The following ODAD2 variants were observed in gnomAD, a reference collection of about 807,000 sequenced individuals.
The protein encoded by ODAD2 is outer dynein arm-docking complex subunit 2.
A neutral mutation model predicts 106.8 loss-of-function variants in ODAD2; 89 were observed. The observed-to-expected ratio is 0.83, with a 90% CI of 0.70 to 0.99. ODAD2 has a LOEUF of 0.99. Among genes scored for constraint, ODAD2 ranks in the 50% least tolerant of loss-of-function variants. The probability of loss-of-function intolerance (pLI) is 0.00; values close to 1 mark genes in which losing one functional copy is unlikely to be tolerated. For synonymous variants in ODAD2, 404 were observed against 436.2 expected (o/e 0.93, Z 0.92); for missense variants, 1,168 against 1,238.5 (o/e 0.94, Z 0.85).
At position 27,862,583 on chromosome 10, in the gene ODAD2, C is replaced by T; in HGVS notation, c.2650G>A (p.Glu884Lys). The change falls in exon 18 of 20, where the codon GAA becomes AAA. Residue 884 changes from glutamate (E) to lysine (K), a missense_variant. Physicochemically the swap from Glu to Lys is moderately conservative, Grantham distance 56 (BLOSUM62 1). Around this residue, in one of 3 missense-constraint regions of ODAD2, gnomAD observed 701 missense variants for 712.3 expected, o/e 0.98. Transcript: ENST00000305242. ...GATTTCAGTAAATTGACAATAAGTT[C>T]CAAACCACCAACAAAGGAACGAACC... ...EMVRSFVGGL[E>K]LIVNLLKSDN... 6.2e-7 allele frequency: 1 copy of T among 1,609,766 alleles called. No homozygotes were observed. The highest frequency in any genetic ancestry group is 1.1e-5 in the South Asian group (1 of 90,144).
At chr10:27,930,680 T>G (rs1267694518) in intron 16 of ODAD2, among the ~76,000 whole-genome samples, 1 of 152,086 alleles carries the variant, frequency 6.6e-6, no homozygotes, top group African/African-American at 2.4e-5. Context: ...TATAATTTTT[T>G]GATTCTCTTA....
rs768658226 is a variant in ODAD2 at position 27,944,972 on chromosome 10, T to C, written c.1387-10A>G. The C allele has an allele frequency of 1.4e-5, 22 of 1,613,630 alleles. No homozygotes were observed. Among genetic ancestry groups the C allele is most frequent in the African/African-American group, 8.0e-5 (6 of 74,928 alleles). On this transcript the variant is annotated splice_polypyrimidine_tract_variant and intron_variant, in intron 10 of 19. Coordinates refer to ENST00000305242, the MANE Select transcript of ODAD2 (RefSeq NM_018076.5). ...CTGTTTGATTTCCTCCCTACAAAGATGCAATGCCAGAGAAAGGTTAAGGAA... is the reference window on the plus strand; with the variant it reads ...CTGTTTGATTTCCTCCCTACAAAGACGCAATGCCAGAGAAAGGTTAAGGAA...
intron 10 of ODAD2, among the ~76,000 whole-genome samples, chr10:27,954,737 TTAA>T (rs1224655181): frequency 7.9e-5 from 12 of 152,210 alleles, no homozygotes; most frequent in African/African-American, 2.7e-4. Context: ...GCTCAAAAAT[TTAA>T]ATACAGATTC....
chr10:27,889,261 A>G (rs80295638), intron 17 of ODAD2, among the ~76,000 whole-genome samples: 4,142 of 152,286 alleles, frequency 0.027, 66 homozygotes, highest in Non-Finnish European at 0.043. Context: ...AGCAAGGGAT[A>G]AGGAAGATTT....
At position 27,925,096 on chromosome 10, in the gene ODAD2, C is replaced by A. The variant is rs951638051; in HGVS notation, c.2495+9914G>T. On this transcript the variant is annotated intron_variant, in intron 16 of 19. Coordinates refer to ENST00000305242, the MANE Select transcript of ODAD2 (RefSeq NM_018076.5). ...AACAGAAAAAAGAAAAACTACAGAC[C>A]AATATCACTCATGAATATTATTACA... 2.0e-5 allele frequency among the ~76,000 whole-genome samples: 3 copies of A among 151,276 alleles called. No homozygotes were observed. The South Asian group carries it at 6.2e-4, about 31-fold the overall frequency.
intron 17 of ODAD2, among the ~76,000 whole-genome samples, chr10:27,877,470 A>G (rs1841418620): frequency 6.6e-6 from 1 of 151,782 alleles, no homozygotes; most frequent in Non-Finnish European, 1.5e-5. Context: ...CATTAGGCTC[A>G]AAACCCTGCA....
At chr10:27,983,788 A>C in intron 6 of ODAD2, 55 bp downstream of exon 6, 1 of 1,532,778 alleles carries the variant, frequency 6.5e-7, no homozygotes, top group South Asian at 1.1e-5. Flanking sequence ...TGAGACATCT[A>C]CAGCTAACAA....
chr10:27,862,105 C>T (rs1247582026), intron 18 of ODAD2, among the ~76,000 whole-genome samples: 2 of 152,110 alleles, frequency 1.3e-5, no homozygotes, highest in Admixed American at 6.6e-5. Flanking sequence ...GAAGAACCAT[C>T]GAGAATCATA....
chr10:27,908,595 G>A (rs2133865904), intron 16 of ODAD2, among the ~76,000 whole-genome samples: 1 of 152,160 alleles, frequency 6.6e-6, no homozygotes, highest in East Asian at 1.9e-4. Flanking sequence ...AAAAGATAAA[G>A]GGCATCAAAA....
At chr10:27,837,979 T>C (rs1232461814) in intron 19 of ODAD2, among the ~76,000 whole-genome samples, 1 of 152,174 alleles carries the variant, frequency 6.6e-6, no homozygotes, top group African/African-American at 2.4e-5. Context: ...CGGCGATGGA[T>C]TGGGAAACAC....
At position 27,930,540 on chromosome 10, in the gene ODAD2, T is replaced by C. The variant is rs546360037; in HGVS notation, c.2495+4470A>G. Among the ~76,000 whole-genome samples the C allele has an allele frequency of 4.6e-5, 7 of 150,544 alleles. No homozygotes were observed. The South Asian group carries it at 1.5e-3, about 32-fold the overall frequency. ...GAAAAACAAAAACAGGCTGAGAGAA[T>C]GGCGTGAACCCGGGAGGCGGAGTTT... On this transcript the variant is annotated intron_variant, in intron 16 of 19. Coordinates refer to ENST00000305242, the MANE Select transcript of ODAD2 (RefSeq NM_018076.5).
intron 16 of ODAD2, among the ~76,000 whole-genome samples, chr10:27,932,465 T>C (rs140299927): frequency 0.012 from 1,874 of 152,280 alleles, 37 homozygotes; most frequent in African/African-American, 0.042. Flanking sequence ...AAATTAATAG[T>C]CACAGAAAGA....
chr10:27,924,014 GA>G (rs1845028605), intron 16 of ODAD2, among the ~76,000 whole-genome samples: 4 of 128,236 alleles, frequency 3.1e-5, no homozygotes, highest in South Asian at 2.7e-4. Flanking sequence ...AAGAAAGAAA[GA>G]AAGAAAGAAG....
intron 19 of ODAD2, among the ~76,000 whole-genome samples, chr10:27,824,218 T>C (rs1350769181): frequency 6.6e-6 from 1 of 151,826 alleles, no homozygotes; most frequent in African/African-American, 2.4e-5. Context: ...TATCAGTCTC[T>C]AGTCTAGGAG....
intron 19 of ODAD2, among the ~76,000 whole-genome samples, chr10:27,852,998 A>G (rs1839389219): frequency 6.6e-6 from 1 of 151,424 alleles, no homozygotes; most frequent in South Asian, 2.1e-4. Context: ...TAACCGTGTC[A>G]ATATCACATT....
At chr10:27,997,784 A>G (rs113861460) in intron 1 of ODAD2, among the ~76,000 whole-genome samples, 4 of 152,332 alleles carry the variant, frequency 2.6e-5, no homozygotes, top group African/African-American at 7.2e-5. Flanking sequence ...AGATTTTAAA[A>G]TCAAGACCAG....
intron 19 of ODAD2, chr10:27,835,872 G>A (rs1388659463): frequency 6.6e-6 from 1 of 151,214 alleles, no homozygotes; most frequent in Non-Finnish European, 1.5e-5. Flanking sequence ...GTGGCAGTGA[G>A]CCGAGATTGC....
intron 9 of ODAD2, among the ~76,000 whole-genome samples, chr10:27,966,542 C>A (rs1356067416): frequency 6.6e-6 from 1 of 152,080 alleles, no homozygotes; most frequent in Non-Finnish European, 1.5e-5. Context: ...GATATGATTT[C>A]TTCCAATCCT....
At chr10:27,919,956 A>T (rs540559682) in intron 16 of ODAD2, among the ~76,000 whole-genome samples, 95 of 152,318 alleles carry the variant, frequency 6.2e-4, no homozygotes, top group African/African-American at 2.3e-3. Flanking sequence ...AATTTAGAAC[A>T]AAATGTCAGA....
Sources: allele counts gnomAD v4.1 joint callset (sites outside exome capture counted in the v4.1 genomes callset), GRCh38; gene constraint gnomAD v4.1.1; regional missense constraint gnomAD v4.1.1; transcripts MANE v1.5; gene names NCBI Gene and HGNC (gene_info 2026-07-23, HGNC 2026-07-21).